Variants in TRIT1 observed in about 807,000 individuals in gnomAD.
The protein encoded by TRIT1 is tRNA isopentenyltransferase 1, also known as tRNA dimethylallyltransferase.
In TRIT1, 43 loss-of-function variants were observed where a neutral mutation model predicts 51.2. That is an observed-to-expected ratio of 0.84 (90% CI 0.66 to 1.08). TRIT1 has a LOEUF of 1.08. TRIT1 is among the 50% of genes least tolerant of loss of function. The pLI is 0.00. For synonymous variants in TRIT1, 184 were observed against 203.9 expected (o/e 0.90, Z 0.83); for missense variants, 528 against 578.4 (o/e 0.91, Z 0.89).
chr1:39,839,425 T>C lies in TRIT1; in HGVS notation c.*2319A>G, dbSNP rs1652486091. On this transcript the variant is annotated 3_prime_UTR_variant, in exon 11 of 11. Coordinates refer to ENST00000316891, the MANE Select transcript of TRIT1 (RefSeq NM_017646.6). ...TTTTAGGCCTCAGTTTCCCCATCCATACAAGAGATAAAGAATTCTTTCATC... is the reference window on the plus strand; with the variant it reads ...TTTTAGGCCTCAGTTTCCCCATCCACACAAGAGATAAAGAATTCTTTCATC... 6.6e-6 allele frequency among the ~76,000 whole-genome samples: 1 copy of C among 152,192 alleles called. No individual in the cohort carries two copies.
At chr1:39,871,485 TAGG>T (rs1643881926) in intron 1 of TRIT1, among the ~76,000 whole-genome samples, 2 of 150,086 alleles carry the variant, frequency 1.3e-5, no homozygotes, top group Non-Finnish European at 3.0e-5. Flanking sequence ...GGTGCTGAGG[TAGG>T]AGGATTGCTT....
In TRIT1 at chr1:39,838,622, C is replaced by T. The variant is rs1652462285; in HGVS notation, c.*3122G>A. On this transcript the variant is annotated 3_prime_UTR_variant, in exon 11 of 11. Coordinates refer to ENST00000316891, the MANE Select transcript of TRIT1 (RefSeq NM_017646.6). ...ACGTAGCTGGGACTATAGGCATGAC[C>T]CACCATACCCGGCATGCATACATAT... 6.6e-6 allele frequency among the ~76,000 whole-genome samples: 1 copy of T among 152,052 alleles called. No homozygotes were observed. The highest frequency in any genetic ancestry group is 1.5e-5 in the Non-Finnish European group (1 of 68,024).
chr1:39,883,279 C>T (rs773147465), intron 1 of TRIT1, 39 bp downstream of exon 1: 2 of 1,575,660 alleles, frequency 1.3e-6, no homozygotes, highest in Non-Finnish European at 1.7e-6. Context: ...ACGCGGCCTC[C>T]GGGGTCCCCA....
chr1:39,853,452 A>G (rs1193188679), intron 3 of TRIT1, among the ~76,000 whole-genome samples: 1 of 151,746 alleles, frequency 6.6e-6, no homozygotes, highest in Non-Finnish European at 1.5e-5. Flanking sequence ...GCTGGAGTAC[A>G]GTGGCGCAAT....
chr1:39,866,597 T>A (rs1643569934), intron 1 of TRIT1, among the ~76,000 whole-genome samples: 1 of 152,132 alleles, frequency 6.6e-6, no homozygotes, highest in South Asian at 2.1e-4. Flanking sequence ...TGCAGGAACA[T>A]CAAGGCAATT....
At chr1:39,871,155 T>G (rs1023840730) in intron 1 of TRIT1, among the ~76,000 whole-genome samples, 3 of 151,816 alleles carry the variant, frequency 2.0e-5, no homozygotes, top group Admixed American at 2.0e-4. Context: ...ATTGCACCAC[T>G]GCACCCCAGC....
chr1:39,872,835 G>A (rs12743119), intron 1 of TRIT1, among the ~76,000 whole-genome samples: 2 of 149,306 alleles, frequency 1.3e-5, no homozygotes, highest in African/African-American at 2.5e-5. Flanking sequence ...AGGGAGGGAA[G>A]AAGGGAAGAA....
rs1330801233 is a variant in TRIT1 at position 39,866,022 on chromosome 1, G to GA, written c.175-8606dup. On this transcript the variant is annotated intron_variant, in intron 1 of 10. Coordinates refer to ENST00000316891, the MANE Select transcript of TRIT1 (RefSeq NM_017646.6). Reference sequence around the variant, plus strand: ...GGAAAGAAAGGGAAGGAAAAGAAAAGAAAGAAAAGAAAAGAAAAGAAAAAG... The same window carrying GA: ...GGAAAGAAAGGGAAGGAAAAGAAAAGAAAAGAAAAGAAAAGAAAAGAAAAAG... Among the ~76,000 whole-genome samples, 1,205 of 144,522 alleles carry GA rather than the reference G, an allele frequency of 8.3e-3. 29 individuals carry two copies. The highest frequency in any genetic ancestry group is 0.029 in the African/African-American group (1,136 of 38,860). The allele number at this position is 144,522 out of a possible 152,430, so 94.8% of individuals were successfully genotyped here. A position where few individuals can be genotyped will look rare whatever the true frequency, so the allele number is the denominator to read the frequency against.
intron 8 of TRIT1, among the ~76,000 whole-genome samples, 199 bp from the exon 9 acceptor site, chr1:39,844,839 C>T (rs906593917): frequency 2.0e-5 from 3 of 152,198 alleles, no homozygotes; most frequent in African/African-American, 7.2e-5. Flanking sequence ...GTAAGACTAG[C>T]TACATAATCT....
intron 4 of TRIT1, among the ~76,000 whole-genome samples, chr1:39,852,206 A>G (rs1366491115): frequency 1.3e-5 from 2 of 152,160 alleles, no homozygotes; most frequent in Non-Finnish European, 2.9e-5. Flanking sequence ...TAAACCTAAC[A>G]TGAGGCTGCA....
chr1:39,883,357 C>G lies in TRIT1; in HGVS notation c.135G>C (p.Gln45His), dbSNP rs769635884. 5.0e-6 allele frequency: 8 copies of G among 1,612,490 alleles called. No individual in the cohort carries two copies. In the South Asian group the frequency reaches 8.8e-5, roughly 18 times the overall value. ...CGCTGACGATCTCACCGCCGAGCCGCTGGCCTAGCTGCAACGCCAGCGTGG... is the reference window on the plus strand; with the variant it reads ...CGCTGACGATCTCACCGCCGAGCCGGTGGCCTAGCTGCAACGCCAGCGTGG... The part of the protein sequence containing the change: ...GKSTLALQLG[Q>H]RLGGEIVSAD... Residue 45 changes from glutamine to histidine, a missense_variant, in exon 1 of 11, where the codon CAG becomes CAC. By Grantham distance (24) the Gln-to-His change is conservative. Transcript: ENST00000316891.
chr1:39,873,699 G>C (rs1192165803), intron 1 of TRIT1, among the ~76,000 whole-genome samples: 1 of 152,108 alleles, frequency 6.6e-6, no homozygotes, highest in Non-Finnish European at 1.5e-5. Context: ...AGGAACTCTT[G>C]GTACTATCTT....
At position 39,883,320 on chromosome 1, in the gene TRIT1, G is replaced by T; in HGVS notation, c.172C>A (p.Gln58Lys). 6.2e-7 allele frequency: 1 copy of T among 1,605,594 alleles called. No individual in the cohort carries two copies. Among genetic ancestry groups the T allele is most frequent in the Non-Finnish European group, 8.5e-7 (1 of 1,176,714 alleles). Reference sequence around the variant, plus strand: ...CCGGGCCAGCCGCACTGCCATACCTGCATGGAGTCAGCGCTGACGATCTCA... The same window carrying T: ...CCGGGCCAGCCGCACTGCCATACCTTCATGGAGTCAGCGCTGACGATCTCA... ...GGEIVSADSM[Q>K]VYEGLDIITN... is the part of the protein sequence containing the mutation. The change falls in exon 1 of 11, where the codon CAG becomes AAG. Residue 58 changes from glutamine (Q) to lysine (K), a missense_variant and splice_region_variant. Around this residue, in one of 3 missense-constraint regions of TRIT1, gnomAD observed 468 missense variants for 522.6 expected, o/e 0.90. Transcript: ENST00000316891.
intron 10 of TRIT1, among the ~76,000 whole-genome samples, chr1:39,842,580 A>C (rs1641973869): frequency 6.6e-6 from 1 of 152,292 alleles, no homozygotes; most frequent in South Asian, 2.1e-4. Flanking sequence ...AAGGAAGTCA[A>C]GCTTTAGGGC....
At chr1:39,853,347 T>C (rs925187228) in intron 3 of TRIT1, among the ~76,000 whole-genome samples, 39 of 152,204 alleles carry the variant, frequency 2.6e-4, no homozygotes, top group African/African-American at 9.4e-4. Context: ...GTACTGGGTT[T>C]TTTTTAATAT....
intron 1 of TRIT1, among the ~76,000 whole-genome samples, chr1:39,869,603 A>C (rs1229993323): frequency 8.0e-5 from 10 of 125,740 alleles, no homozygotes; most frequent in East Asian, 2.5e-4. Context: ...CCGGCCGCCC[A>C]GTCTGGGAAG....
intron 3 of TRIT1, 39 bp downstream of exon 3, chr1:39,853,931 A>G (rs1011437476): frequency 2.1e-6 from 3 of 1,396,054 alleles, no homozygotes; most frequent in Non-Finnish European, 3.0e-6. Flanking sequence ...AGAAAGAGCA[A>G]TCCATTTCCT....
chr1:39,858,993 C>T (rs570323697), intron 1 of TRIT1, among the ~76,000 whole-genome samples: 5 of 152,002 alleles, frequency 3.3e-5, no homozygotes, highest in Non-Finnish European at 5.9e-5. Context: ...TGGTTCATGC[C>T]GGTAATCCCA....
At chr1:39,848,981 T>C (rs1339673917) in intron 5 of TRIT1, among the ~76,000 whole-genome samples, 1 of 152,188 alleles carries the variant, frequency 6.6e-6, no homozygotes, top group Non-Finnish European at 1.5e-5. Context: ...TTTTTGTTTA[T>C]AAAATTTCAT....
Sources: allele counts gnomAD v4.1 joint callset (sites outside exome capture counted in the v4.1 genomes callset), GRCh38; gene constraint gnomAD v4.1.1; regional missense constraint gnomAD v4.1.1; transcripts MANE v1.5; gene names NCBI Gene and HGNC (gene_info 2026-07-23, HGNC 2026-07-21).